The following ENGASE variants were observed in gnomAD, a reference collection of about 807,000 sequenced individuals.
ENGASE encodes the protein endo-beta-N-acetylglucosaminidase, also known as cytosolic endo-beta-N-acetylglucosaminidase.
Under a neutral mutation model 78.5 loss-of-function variants are expected in ENGASE, and 69 were observed. That is an observed-to-expected ratio of 0.88 (90% confidence interval 0.72 to 1.07). ENGASE has a LOEUF of 1.07. Ranked by LOEUF, ENGASE falls within the 50% of genes least tolerant of loss-of-function variation. ENGASE has a pLI of 0.00. For synonymous variants in ENGASE, 408 were observed against 408.9 expected, an observed-to-expected ratio of 1.00 and a Z score of 0.03; for missense variants, 943 against 988.4, an observed-to-expected ratio of 0.95 and a Z score of 0.62.
Position 79,087,254 on chromosome 17 carries a change from G to C in ENGASE, c.*905G>C, listed in dbSNP as rs968746219. 3 of 348,596 alleles carry C rather than the reference G, an allele frequency of 8.6e-6. No homozygotes were observed. The highest frequency in any genetic ancestry group is 1.7e-5 in the Non-Finnish European group (3 of 174,598). The allele number at this position is 348,596 out of a possible 1,614,324, so 21.6% of individuals were successfully genotyped here. On this transcript the variant is annotated 3_prime_UTR_variant, in exon 14 of 14. Transcript: ENST00000579016. ...CCCCAGCCTGAGTGCAGGAGCTGCA[G>C]GACCCGCGGGGGCTTTTCCAGCTAC...
chr17:79,077,339 C>T lies in ENGASE; in HGVS notation c.147-91C>T, dbSNP rs1353815626. 6 of 1,098,934 alleles carry T rather than the reference C, an allele frequency of 5.5e-6. No homozygotes were observed. In the East Asian group the frequency reaches 1.5e-4, roughly 28 times the overall value. The allele number at this position is 1,098,934 out of a possible 1,614,324, so 68.1% of individuals were successfully genotyped here. On this transcript the variant is annotated intron_variant, in intron 1 of 13. Transcript: ENST00000579016. ...ACAACATAAGGCAGAGAATATCTCT[C>T]TGTGTTTAGATGAAACTGGTCCATT...
chr17:79,077,299 T>C (rs1263760353), intron 1 of ENGASE, 131 bp from the exon 2 acceptor site: 2 of 811,560 alleles, frequency 2.5e-6, no homozygotes, highest in South Asian at 1.9e-5. Flanking sequence ...ACAATGTTTC[T>C]ATAGTTAATA....
intron 10 of ENGASE, 66 bp downstream of exon 10, chr17:79,084,017 T>C (rs1392564541): frequency 7.1e-7 from 1 of 1,416,370 alleles, no homozygotes. Context: ...GCCATGGAAC[T>C]GGACAGATGG....
chr17:79,085,401 CCA>C (rs1271543816), intron 12 of ENGASE, 59 bp downstream of exon 12: 142 of 1,456,514 alleles, frequency 9.7e-5, no homozygotes, highest in Non-Finnish European at 1.3e-4. Flanking sequence ...TTGGGAAACC[CCA>C]GAGCTGGAGG....
chr17:79,077,657 G>A lies in ENGASE; in HGVS notation c.215-6G>A. 1 of 1,613,972 alleles carries A rather than the reference G, an allele frequency of 6.2e-7. No homozygotes were observed. The highest frequency in any genetic ancestry group is 1.1e-5 in the South Asian group (1 of 91,018). ...TAATTGCTCAATGTTTCTGTCCTCG[G>A]ACCAGTTAGATATTATGACAAGGAC... On this transcript the variant is annotated splice_region_variant and splice_polypyrimidine_tract_variant and intron_variant, in intron 2 of 13. Coordinates refer to ENST00000579016, the MANE Select transcript of ENGASE (RefSeq NM_001042573.3).
chr17:79,075,106 C>T lies in ENGASE; in HGVS notation c.146+16C>T, dbSNP rs2072936080. The T allele has an allele frequency of 8.3e-7, 1 of 1,206,386 alleles. No homozygotes were observed. The highest frequency in any genetic ancestry group is 1.0e-6 in the Non-Finnish European group (1 of 971,116). 74.7% of individuals were successfully genotyped at this position (1,206,386 alleles called of 1,614,324 possible). A position where few individuals can be genotyped will look rare whatever the true frequency, so the allele number is the denominator to read the frequency against. On this transcript the variant is annotated intron_variant, in intron 1 of 13. Coordinates refer to ENST00000579016, the MANE Select transcript of ENGASE (RefSeq NM_001042573.3). ...CGGGAAGGAGGTGGGGCTGCGGGGC[C>T]CGCGTGAACCCCGATCCGCGGGGCT... is the stretch of plus-strand genomic sequence containing the variant.
At chr17:79,079,719 C>T (rs1026463749) in intron 4 of ENGASE, 82 bp downstream of exon 4, 2 of 1,537,484 alleles carry the variant, frequency 1.3e-6, no homozygotes, top group Admixed American at 1.9e-5. Context: ...GAGGCACGGG[C>T]TTTGCCTGCT....
rs1761387400 is a variant in ENGASE, at chr17:79,087,410, T to G, written c.*1061T>G. 8.8e-6 allele frequency: 2 copies of G among 226,884 alleles called. No individual in the cohort carries two copies. The highest frequency in any genetic ancestry group is 1.0e-4 in the Admixed American group (2 of 19,886). 14.1% of individuals were successfully genotyped at this position (226,884 alleles called of 1,614,324 possible). On this transcript the variant is annotated 3_prime_UTR_variant, in exon 14 of 14. Coordinates refer to ENST00000579016, the MANE Select transcript of ENGASE (RefSeq NM_001042573.3). ...AGGCAGGGTCTTCACCACAGGCGCC[T>G]TCCTCTGTCCTTCCTGCTCTTTCTT... is the stretch of plus-strand genomic sequence containing the variant.
intron 10 of ENGASE, 191 bp from the exon 11 acceptor site, chr17:79,084,347 T>C: frequency 6.7e-6 from 4 of 600,614 alleles, no homozygotes; most frequent in Non-Finnish European, 1.1e-5. Flanking sequence ...AACTGAGATG[T>C]TTCAGCCCAC....
At chr17:79,084,051 C>A in intron 10 of ENGASE, 100 bp downstream of exon 10, 3 of 1,046,648 alleles carry the variant, frequency 2.9e-6, no homozygotes, top group Non-Finnish European at 4.2e-6. Context: ...AGAACAAGGA[C>A]AGAGGACAGA....
rs1201732919 is a variant in ENGASE at position 79,084,555 on chromosome 17, C to T, written c.1460C>T (p.Ala487Val). 1 of 1,587,890 alleles carries T rather than the reference C, an allele frequency of 6.3e-7. No homozygotes were observed. The highest frequency in any genetic ancestry group is 8.5e-7 in the Non-Finnish European group (1 of 1,170,120). ...TTCCCCAGGTTATTTTCCCTGCAGG[C>T]CCCAGTGCCACCCAAGATTTACCTG... ...NVAVRLFSLQ[A>V]PVPPKIYLSM... The change falls in exon 11 of 14, where the codon GCC becomes GTC. Residue 487 changes from alanine to valine, a missense_variant. By Grantham distance (64) the Ala-to-Val change is moderately conservative (BLOSUM62 0). Transcript: ENST00000579016.
Position 79,087,429 on chromosome 17 carries a change from C to T in ENGASE, c.*1080C>T. ...GGCGCCTTCCTCTGTCCTTCCTGCT[C>T]TTTCTTCTCTGCCCAGGCCGCTGCA... On this transcript the variant is annotated 3_prime_UTR_variant, in exon 14 of 14. Transcript: ENST00000579016. 2 of 217,990 alleles carry T rather than the reference C, an allele frequency of 9.2e-6. No individual in the cohort carries two copies. The highest frequency in any genetic ancestry group is 5.1e-5 in the Admixed American group (1 of 19,480). The allele number at this position is 217,990 out of a possible 1,614,324, so 13.5% of individuals were successfully genotyped here.
rs1200392119 is a variant in ENGASE, at chr17:79,083,095, A to G, written c.1114A>G (p.Lys372Glu). 6 of 1,613,540 alleles carry G rather than the reference A, an allele frequency of 3.7e-6. No individual in the cohort carries two copies. In the African/African-American group the frequency reaches 4.0e-5, roughly 11 times the overall value. ...CGGCTGGGTGTATGAGTGTCTGGAGAAGAAGGATTTCTTCCAGAACCAGGA... is the reference window on the plus strand; with the variant it reads ...CGGCTGGGTGTATGAGTGTCTGGAGGAGAAGGATTTCTTCCAGAACCAGGA... Reference protein sequence around the residue: ...APGWVYECLEKKDFFQNQDKF... With the variant: ...APGWVYECLEEKDFFQNQDKF... Residue 372 changes from lysine (K) to glutamate (E), a missense_variant, in exon 8 of 14, where the codon AAG becomes GAG. Transcript: ENST00000579016. This position sits in a 1 kb window ranked among gnomAD's most constrained non-coding sequence, Gnocchi z 4.9.
chr17:79,085,642 G>C lies in ENGASE; in HGVS notation c.1723G>C (p.Gly575Arg). ...TAGCTGCTACGAGGTGAGCCTGCGT[G>C]GGTGCCTGCTGCTAGACCTCCTCGT... Reference protein sequence around the residue: ...VQHCYEVSLRGCLLLDLLVCF... With the variant: ...VQHCYEVSLRRCLLLDLLVCF... Residue 575 changes from glycine to arginine, a missense_variant, in exon 13 of 14, where the codon GGG (glycine) becomes CGG (arginine). By Grantham distance (125) the Gly-to-Arg change is moderately radical. Transcript: ENST00000579016. 1.9e-6 allele frequency: 3 copies of C among 1,613,924 alleles called. No individual in the cohort carries two copies. The highest frequency in any genetic ancestry group is 2.5e-6 in the Non-Finnish European group (3 of 1,180,010).
Position 79,081,966 on chromosome 17 carries a change from T to C in ENGASE, c.941T>C (p.Met314Thr), listed in dbSNP as rs1316165926. The change falls in exon 7 of 14, where the codon ATG becomes ACG. Residue 314 changes from methionine to threonine, a missense_variant. Coordinates refer to ENST00000579016, the MANE Select transcript of ENGASE (RefSeq NM_001042573.3). ...TGGCGGGAGGAGCACTTGGAGCGGA[T>C]GCTGGGGCAGGCTGGGGAGCGCCGG... ...YNWREEHLER[M>T]LGQAGERRAD... The C allele has an allele frequency of 1.2e-6, 2 of 1,614,180 alleles. No homozygotes were observed. The highest frequency in any genetic ancestry group is 1.3e-5 in the African/African-American group (1 of 75,056).
rs370445975 is a variant in ENGASE at position 79,077,652 on chromosome 17, C to T, written c.215-11C>T. ...TCCATTAATTGCTCAATGTTTCTGT[C>T]CTCGGACCAGTTAGATATTATGACA... On this transcript the variant is annotated splice_polypyrimidine_tract_variant and intron_variant, in intron 2 of 13. Transcript: ENST00000579016. The T allele has an allele frequency of 9.4e-5, 152 of 1,613,914 alleles. No individual in the cohort carries two copies. The African/African-American group carries it at 1.8e-3, about 20-fold the overall frequency.
At chr17:79,082,929 G>T in intron 7 of ENGASE, 91 bp from the exon 8 acceptor site, 5 of 1,579,290 alleles carry the variant, frequency 3.2e-6, no homozygotes, top group Non-Finnish European at 4.3e-6. Flanking sequence ...TTTCTGAGCT[G>T]CCCTGAGAGC....
At chr17:79,076,711 T>C (rs773877491) in intron 1 of ENGASE, among the ~76,000 whole-genome samples, 1 of 152,222 alleles carries the variant, frequency 6.6e-6, no homozygotes, top group Admixed American at 6.5e-5. Context: ...GTGTGGCCTA[T>C]AGAGGAAGCC....
chr17:79,076,038 C>T lies in ENGASE; in HGVS notation c.146+948C>T, dbSNP rs556213892. On this transcript the variant is annotated intron_variant, in intron 1 of 13. Coordinates refer to ENST00000579016, the MANE Select transcript of ENGASE (RefSeq NM_001042573.3). ...TGCTTGAATCCGTCCCCGACCCCTGCAGTTCTCAGGGTCTCCCAATGTCAT... is the reference window on the plus strand; with the variant it reads ...TGCTTGAATCCGTCCCCGACCCCTGTAGTTCTCAGGGTCTCCCAATGTCAT... Among the ~76,000 whole-genome samples the T allele has an allele frequency of 2.6e-5, 4 of 152,296 alleles. No individual in the cohort carries two copies. In the East Asian group the frequency reaches 7.7e-4, roughly 29 times the overall value.
Sources: allele counts gnomAD v4.1 joint callset (sites outside exome capture counted in the v4.1 genomes callset), GRCh38; gene constraint gnomAD v4.1.1; non-coding constraint Gnocchi (gnomAD v3.1); transcripts MANE v1.5; gene names NCBI Gene and HGNC (gene_info 2026-07-23, HGNC 2026-07-21).